Variants in ASAP1 observed in about 807,000 individuals in gnomAD.
ASAP1 encodes ArfGAP with SH3 domain, ankyrin repeat and PH domain 1, also known as arf-GAP with SH3 domain, ANK repeat and PH domain-containing protein 1.
Under a neutral mutation model 145.2 loss-of-function variants are expected in ASAP1, and 43 were observed. The observed-to-expected ratio is 0.30, with a 90% CI of 0.23 to 0.38. The LOEUF is 0.38. ASAP1 is among the 10% of genes least tolerant of loss of function. The pLI is 1.00. For missense variants in ASAP1, 1,018 were observed against 1,355.3 expected, an observed-to-expected ratio of 0.75 and a Z score of 3.91; for synonymous variants, 546 against 515.5, an observed-to-expected ratio of 1.06 and a Z score of -0.80.
intron 7 of ASAP1, among the ~76,000 whole-genome samples, chr8:130,182,831 C>CAAAAAAAAAAAAAAAA (rs35195899): frequency 1.4e-5 from 1 of 73,596 alleles, no homozygotes; most frequent in African/African-American, 5.9e-5. Context: ...TATAAAAAGG[C>CAAAAAAAAAAAAAAAA]AAAAAAAAAA....
chr8:130,205,591 C>CTTT (rs10679649), intron 5 of ASAP1, among the ~76,000 whole-genome samples: 12,211 of 119,066 alleles, frequency 0.1, 1,000 homozygotes, highest in South Asian at 0.25. Context: ...AAATACACGG[C>CTTT]TTTTTTTTTT....
chr8:130,245,792 T>C (rs1565130719), intron 3 of ASAP1, among the ~76,000 whole-genome samples: 1 of 152,214 alleles, frequency 6.6e-6, no homozygotes, highest in Non-Finnish European at 1.5e-5. Context: ...AACTCAATAA[T>C]GCTGCTATTT....
At chr8:130,183,854 A>G (rs16904213) in intron 7 of ASAP1, among the ~76,000 whole-genome samples, 414 of 152,292 alleles carry the variant, frequency 2.7e-3, no homozygotes, top group African/African-American at 9.5e-3. Context: ...ATTTAAAACT[A>G]AAGAGAGTCA....
chr8:130,370,885 T>C (rs1827182100), intron 2 of ASAP1, among the ~76,000 whole-genome samples: 1 of 152,194 alleles, frequency 6.6e-6, no homozygotes, highest in Non-Finnish European at 1.5e-5. Context: ...TATCAGGGGC[T>C]GTGGGGGAAG....
chr8:130,335,808 G>C (rs1458885477), intron 3 of ASAP1, among the ~76,000 whole-genome samples: 9 of 152,152 alleles, frequency 5.9e-5, no homozygotes, highest in Non-Finnish European at 1.3e-4. Context: ...AACACAACAG[G>C]AGTAGCTACT....
At chr8:130,194,590 T>C (rs1186832183) in intron 5 of ASAP1, among the ~76,000 whole-genome samples, 2 of 152,184 alleles carry the variant, frequency 1.3e-5, no homozygotes, top group Non-Finnish European at 2.9e-5. Context: ...AGGCTGGTTT[T>C]GTGGAAGACA....
chr8:130,442,961 C>T (rs1830537276), intron 1 of ASAP1, among the ~76,000 whole-genome samples: 1 of 152,160 alleles, frequency 6.6e-6, no homozygotes, highest in Admixed American at 6.5e-5. Context: ...TTTCGTTTCT[C>T]TTCTTTTGCT....
intron 27 of ASAP1, among the ~76,000 whole-genome samples, chr8:130,072,830 C>CGTGCGCACGCGCG (rs1448184178): frequency 3.1e-5 from 1 of 31,922 alleles, no homozygotes; most frequent in Non-Finnish European, 5.3e-5. Flanking sequence ...TGTGTGCGCG[C>CGTGCGCACGCGCG]GGGGGGGGGC....
At chr8:130,145,322 T>G (rs1193230282) in intron 13 of ASAP1, among the ~76,000 whole-genome samples, 1 of 152,210 alleles carries the variant, frequency 6.6e-6, no homozygotes, top group Non-Finnish European at 1.5e-5. Flanking sequence ...TGGCATATGT[T>G]TTTTTCTTTT....
chr8:130,407,358 A>G (rs1481127691), intron 1 of ASAP1, among the ~76,000 whole-genome samples: 1 of 152,348 alleles, frequency 6.6e-6, no homozygotes, highest in East Asian at 1.9e-4. Flanking sequence ...CTAACTGCCC[A>G]GACACAACCA....
intron 27 of ASAP1, among the ~76,000 whole-genome samples, chr8:130,067,919 G>A (rs889558312): frequency 5.9e-5 from 9 of 152,142 alleles, no homozygotes; most frequent in African/African-American, 1.7e-4. Flanking sequence ...GCTGGGAGCC[G>A]TACACCACAC....
chr8:130,335,391 G>A (rs1311310312), intron 3 of ASAP1, among the ~76,000 whole-genome samples: 1 of 152,178 alleles, frequency 6.6e-6, no homozygotes, highest in Admixed American at 6.5e-5. Context: ...GACCCACAGA[G>A]AGGTGTAGTA....
chr8:130,100,203 C>T (rs72722330), intron 24 of ASAP1, among the ~76,000 whole-genome samples: 25,469 of 152,150 alleles, frequency 0.17, 2,641 homozygotes, highest in East Asian at 0.44. Flanking sequence ...TGATGATAGC[C>T]ATTTTAACTG....
At chr8:130,204,635 C>T (rs190786142) in intron 5 of ASAP1, among the ~76,000 whole-genome samples, 7 of 152,306 alleles carry the variant, frequency 4.6e-5, no homozygotes, top group Admixed American at 4.6e-4. Context: ...TGAACTACAA[C>T]ACCTAGGAAA....
At chr8:130,183,259 A>C (rs1814491565) in intron 7 of ASAP1, among the ~76,000 whole-genome samples, 1 of 144,360 alleles carries the variant, frequency 6.9e-6, no homozygotes, top group African/African-American at 2.5e-5. Context: ...GAAAGGTATC[A>C]GATTTTTTTT....
intron 3 of ASAP1, among the ~76,000 whole-genome samples, chr8:130,259,294 T>G (rs1161994373): frequency 6.6e-6 from 1 of 152,232 alleles, no homozygotes; most frequent in Non-Finnish European, 1.5e-5. Flanking sequence ...TCTTCTATTT[T>G]CTACTCCTTT....
At chr8:130,349,960 A>G (rs1169374203) in intron 3 of ASAP1, among the ~76,000 whole-genome samples, 3 of 152,184 alleles carry the variant, frequency 2.0e-5, no homozygotes, top group East Asian at 3.9e-4. Context: ...TTAGTCCCCA[A>G]ATGACTAGGT....
At chr8:130,392,501 A>G (rs181321777) in intron 2 of ASAP1, among the ~76,000 whole-genome samples, 19 of 152,388 alleles carry the variant, frequency 1.2e-4, no homozygotes, top group African/African-American at 4.3e-4. Flanking sequence ...AGTACTATTC[A>G]TGTGTTTTAG....
At chr8:130,121,077 T>G (rs2097565067) in intron 18 of ASAP1, among the ~76,000 whole-genome samples, 1 of 152,246 alleles carries the variant, frequency 6.6e-6, no homozygotes, top group Non-Finnish European at 1.5e-5. Context: ...ATATTAAAAC[T>G]GATCAGCAAA....
Sources: allele counts gnomAD v4.1 joint callset (sites outside exome capture counted in the v4.1 genomes callset), GRCh38; gene constraint gnomAD v4.1.1; transcripts MANE v1.5; gene names NCBI Gene and HGNC (gene_info 2026-07-23, HGNC 2026-07-21).